EBF2: variants seen among roughly 807,000 people sequenced by gnomAD.
EBF2 encodes the protein EBF transcription factor 2.
EBF2 carries 21 observed loss-of-function variants against 72.8 expected under a neutral mutation model. The ratio of observed to expected loss-of-function variants is 0.29; its 90% CI spans 0.20 to 0.42. The LOEUF (loss-of-function observed/expected upper bound fraction) is 0.42. Ranked by LOEUF, EBF2 falls within the 10% of genes least tolerant of loss-of-function variation. EBF2 has a pLI of 1.00. For missense variants in EBF2, 637 were observed against 731.2 expected, an observed-to-expected ratio of 0.87 and a Z score of 1.49; for synonymous variants, 299 against 274.2, an observed-to-expected ratio of 1.09 and a Z score of -0.89.
intron 6 of EBF2, among the ~76,000 whole-genome samples, chr8:25,960,319 G>A (rs893295272): frequency 6.6e-6 from 1 of 152,160 alleles, no homozygotes; most frequent in Non-Finnish European, 1.5e-5. Flanking sequence ...TGCCCTCAGG[G>A]CCAGCGGTGG....
chr8:25,912,171 C>T (rs774123782), intron 6 of EBF2, among the ~76,000 whole-genome samples: 9 of 152,070 alleles, frequency 5.9e-5, no homozygotes, highest in Non-Finnish European at 1.0e-4. Flanking sequence ...CCATGGGTGA[C>T]GAATCATCCT....
intron 6 of EBF2, among the ~76,000 whole-genome samples, chr8:25,985,281 T>C (rs73675760): frequency 0.016 from 2,512 of 152,246 alleles, 79 homozygotes; most frequent in African/African-American, 0.058. Flanking sequence ...AAATACCCAG[T>C]GGCTACATAT....
At chr8:25,859,411 C>A (rs1334428694) in intron 13 of EBF2, among the ~76,000 whole-genome samples, 1 of 152,122 alleles carries the variant, frequency 6.6e-6, no homozygotes, top group Non-Finnish European at 1.5e-5. Flanking sequence ...ACCCTAGGTG[C>A]AAGTGGGGAT....
chr8:25,861,110 G>T lies in EBF2; in HGVS notation c.1281C>A (p.Ile427=), dbSNP rs1481698940. ...SSPAHSGMMG[I]NSYGSQLGVS... is the part of the protein sequence containing the mutation. ...CCCCAAGCTGGCTGCCATAGGAGTT[G>T]ATTCCCATCATGCCACTGTGCGCTG... Residue 427 remains isoleucine (I), a synonymous_variant, in exon 13 of 16, where the codon ATC becomes ATA. Transcript: ENST00000520164. 6.2e-7 allele frequency: 1 copy of T among 1,614,060 alleles called. No individual in the cohort carries two copies. The highest frequency in any genetic ancestry group is 1.7e-5 in the Admixed American group (1 of 60,004).
chr8:26,029,048 A>G (rs1805349887), intron 6 of EBF2, among the ~76,000 whole-genome samples: 1 of 152,202 alleles, frequency 6.6e-6, no homozygotes, highest in Admixed American at 6.5e-5. Flanking sequence ...GGCAGGGAGT[A>G]ATTTAGTATT....
Position 25,844,501 on chromosome 8 carries a change from C to G in EBF2, c.*108G>C, listed in dbSNP as rs762532359. 20 of 1,282,810 alleles carry G rather than the reference C, an allele frequency of 1.6e-5. No homozygotes were observed. Among genetic ancestry groups the G allele is most frequent in the Non-Finnish European group, 2.1e-5 (19 of 886,512 alleles). The allele number at this position is 1,282,810 out of a possible 1,614,324, so 79.5% of individuals were successfully genotyped here. ...TCCTTGCAGACCCAAGGGTGTCCAT[C>G]ATGTTCATGTGGGGGCACCACTACA... On this transcript the variant is annotated 3_prime_UTR_variant, in exon 16 of 16. Transcript: ENST00000520164.
intron 2 of EBF2, chr8:26,041,419 G>C (rs1021457945): frequency 4.7e-6 from 1 of 212,468 alleles, no homozygotes; most frequent in Non-Finnish European, 9.5e-6. Flanking sequence ...CCTATCCCGC[G>C]AGGACTGCGC....
rs182833227 is a variant in EBF2, at chr8:25,935,020, G to A, written c.552-26465C>T. Among the ~76,000 whole-genome samples, 18 of 152,232 alleles carry A rather than the reference G, an allele frequency of 1.2e-4. 1 individual carries two copies. In the South Asian group the frequency reaches 2.7e-3, roughly 23 times the overall value. The stretch of plus-strand genomic sequence containing the variant: ...CCAAGCGACTTGCAAGCTGTTTCTC[G>A]CCAGGAGTGTGGGTGGGCAGCGGGC... On this transcript the variant is annotated intron_variant, in intron 6 of 15. Coordinates refer to ENST00000520164, the MANE Select transcript of EBF2 (RefSeq NM_022659.4).
intron 6 of EBF2, among the ~76,000 whole-genome samples, chr8:25,935,081 T>C (rs1332287579): frequency 6.6e-6 from 1 of 152,130 alleles, no homozygotes; most frequent in Non-Finnish European, 1.5e-5. Flanking sequence ...CAATTGACTG[T>C]AACCCAGAAA....
intron 6 of EBF2, among the ~76,000 whole-genome samples, chr8:26,016,004 T>A (rs1009785194): frequency 2.0e-5 from 3 of 152,168 alleles, no homozygotes; most frequent in African/African-American, 7.2e-5. Flanking sequence ...ACACATCACC[T>A]CAAATAACCT....
chr8:26,010,614 G>T (rs945454008), intron 6 of EBF2, among the ~76,000 whole-genome samples: 3 of 152,174 alleles, frequency 2.0e-5, no homozygotes, highest in African/African-American at 7.2e-5. Flanking sequence ...CTTCTGGGCC[G>T]CCGTGCTGCA....
At chr8:26,005,484 A>ATATAT (rs1407167716) in intron 6 of EBF2, among the ~76,000 whole-genome samples, 234 of 13,486 alleles carry the variant, frequency 0.017, 5 homozygotes, top group African/African-American at 0.16. Context: ...ATTATTTATA[A>ATATAT]AATATATATT....
At chr8:25,889,058 G>A (rs940902758) in intron 8 of EBF2, among the ~76,000 whole-genome samples, 6 of 152,174 alleles carry the variant, frequency 3.9e-5, no homozygotes, top group African/African-American at 1.2e-4. Flanking sequence ...TAGGGTGGGA[G>A]GTGGGGGTTG....
At chr8:26,007,101 T>C (rs534762749) in intron 6 of EBF2, among the ~76,000 whole-genome samples, 1 of 152,364 alleles carries the variant, frequency 6.6e-6, no homozygotes, top group East Asian at 1.9e-4. Context: ...AGATGAAGTA[T>C]GACTTAAAGA....
At chr8:25,882,405 G>A (rs1408944225) in intron 10 of EBF2, among the ~76,000 whole-genome samples, 1 of 152,130 alleles carries the variant, frequency 6.6e-6, no homozygotes, top group Admixed American at 6.5e-5. Context: ...TCTATCCCAG[G>A]TGCTTTCCAT....
At chr8:25,941,416 G>GCA in intron 6 of EBF2, among the ~76,000 whole-genome samples, 1 of 152,230 alleles carries the variant, frequency 6.6e-6, no homozygotes, top group Non-Finnish European at 1.5e-5. Flanking sequence ...ACGTTCGTCA[G>GCA]GCTGGTCTCG....
In EBF2 at chr8:25,858,397, T is replaced by A. The variant is rs1802139702; in HGVS notation, c.1450A>T (p.Asn484Tyr). 6.2e-7 allele frequency: 1 copy of A among 1,614,182 alleles called. No homozygotes were observed. Among genetic ancestry groups the A allele is most frequent in the African/African-American group, 1.3e-5 (1 of 75,058 alleles). Residue 484 changes from asparagine (N) to tyrosine (Y), a missense_variant, in exon 14 of 16, where the codon AAT becomes TAT. Physicochemically the swap from Asn to Tyr is moderately radical, Grantham distance 143. Around this residue, in one of 3 missense-constraint regions of EBF2, gnomAD observed 259 missense variants for 268.1 expected, o/e 0.97. Transcript: ENST00000520164. Reference protein sequence around the residue: ...TSSNSMNGYSNVPMANLGVPG... With the variant: ...TSSNSMNGYSYVPMANLGVPG... Reference sequence around the variant, plus strand: ...ACACCCAAGTTGGCCATGGGGACATTGCTGTAGCCATTCATACTGTTGCTG... The same window carrying A: ...ACACCCAAGTTGGCCATGGGGACATAGCTGTAGCCATTCATACTGTTGCTG...
At chr8:26,028,194 T>A (rs1805333970) in intron 6 of EBF2, among the ~76,000 whole-genome samples, 1 of 152,212 alleles carries the variant, frequency 6.6e-6, no homozygotes, top group Non-Finnish European at 1.5e-5. Context: ...GCAAATAAAC[T>A]TCAGTTTATT....
At chr8:25,908,031 C>T (rs915805851) in intron 7 of EBF2, among the ~76,000 whole-genome samples, 1 of 152,214 alleles carries the variant, frequency 6.6e-6, no homozygotes, top group Non-Finnish European at 1.5e-5. Flanking sequence ...GACCACGCTG[C>T]TTGGGCTGCT....
Sources: gnomAD v4.1 joint callset for allele counts (sites outside exome capture counted in the v4.1 genomes callset) on GRCh38, gnomAD v4.1.1 for gene constraint, gnomAD v4.1.1 regional missense constraint, MANE v1.5 for transcripts, NCBI Gene and HGNC (gene_info 2026-07-23, HGNC 2026-07-21) for gene names.